The following RBMS3 variants were observed in gnomAD, a reference collection of about 807,000 sequenced individuals.
The protein encoded by RBMS3 is RNA-binding motif, single-stranded-interacting protein 3.
A neutral mutation model predicts 66.8 loss-of-function variants in RBMS3; 27 were observed. The observed-to-expected ratio is 0.40, with a 90% CI of 0.30 to 0.56. The LOEUF (loss-of-function observed/expected upper bound fraction) is 0.56, where lower values mean the gene tolerates loss of function less well. RBMS3 is among the 20% of genes least tolerant of loss of function. The pLI is 0.40. For synonymous variants in RBMS3, 188 were observed against 183.0 expected (o/e 1.03, Z -0.22); for missense variants, 513 against 549.5 (o/e 0.93, Z 0.66).
chr3:29,308,112 T>A (rs2034127198), intron 1 of RBMS3, among the ~76,000 whole-genome samples: 1 of 151,936 alleles, frequency 6.6e-6, no homozygotes, highest in South Asian at 2.1e-4. Flanking sequence ...TTAAGTAGTA[T>A]AAATTTCTGT....
At chr3:29,390,953 G>C (rs2039264914) in intron 1 of RBMS3, 1 of 225,042 alleles carries the variant, frequency 4.4e-6, no homozygotes, top group Non-Finnish European at 1.0e-5. Flanking sequence ...TGGGGAATTT[G>C]TAAAGTAGTC....
At chr3:29,976,030 G>T (rs572007102) in intron 12 of RBMS3, among the ~76,000 whole-genome samples, 2 of 151,770 alleles carry the variant, frequency 1.3e-5, no homozygotes, top group East Asian at 3.9e-4. Flanking sequence ...TAATATAGAA[G>T]TTTTCATTGC....
chr3:29,596,324 C>T lies in RBMS3; in HGVS notation c.399+9119C>T, dbSNP rs9847057. Reference sequence around the variant, plus strand: ...GAAAACTACAGACTACCGAGGTTCACGGTCCACCTTCTGTTTCTGTGTAAT... The same window carrying T: ...GAAAACTACAGACTACCGAGGTTCATGGTCCACCTTCTGTTTCTGTGTAAT... On this transcript the variant is annotated intron_variant, in intron 4 of 14. Coordinates refer to ENST00000383767, the MANE Select transcript of RBMS3 (RefSeq NM_001003793.3). Among the ~76,000 whole-genome samples, 728 of 152,280 alleles carry T rather than the reference C, an allele frequency of 4.8e-3. 2 individuals are homozygous for T. The highest frequency in any genetic ancestry group is 0.016 in the African/African-American group (679 of 41,548).
At chr3:29,852,042 A>G (rs1019395305) in intron 6 of RBMS3, among the ~76,000 whole-genome samples, 3 of 152,162 alleles carry the variant, frequency 2.0e-5, no homozygotes, top group African/African-American at 7.2e-5. Flanking sequence ...CAACTATCTA[A>G]TCTTCAACAA....
At chr3:29,722,520 A>G (rs1388954546) in intron 4 of RBMS3, among the ~76,000 whole-genome samples, 1 of 152,178 alleles carries the variant, frequency 6.6e-6, no homozygotes, top group Non-Finnish European at 1.5e-5. Context: ...ATTTTGCATT[A>G]TTCCATAAAT....
At chr3:29,722,123 A>T (rs929048841) in intron 4 of RBMS3, among the ~76,000 whole-genome samples, 1 of 152,202 alleles carries the variant, frequency 6.6e-6, no homozygotes, top group East Asian at 1.9e-4. Flanking sequence ...AAGGTAAAGC[A>T]CTTATGAGGA....
chr3:29,334,053 G>A (rs530342797), intron 1 of RBMS3, among the ~76,000 whole-genome samples: 2 of 152,012 alleles, frequency 1.3e-5, no homozygotes, highest in South Asian at 2.1e-4. Context: ...TCTGTACAGC[G>A]GGACTATACT....
intron 8 of RBMS3, among the ~76,000 whole-genome samples, chr3:29,889,139 G>A (rs139242497): frequency 3.3e-5 from 5 of 151,610 alleles, no homozygotes; most frequent in Non-Finnish European, 7.4e-5. Flanking sequence ...GAACTGGACC[G>A]TCTGTGATTC....
intron 4 of RBMS3, among the ~76,000 whole-genome samples, chr3:29,613,359 T>A (rs1361845388): frequency 3.3e-5 from 5 of 152,080 alleles, no homozygotes; most frequent in Non-Finnish European, 5.9e-5. Flanking sequence ...TTATCGCTCA[T>A]CTTTTTGATG....
At chr3:29,366,554 AT>A (rs10541842) in intron 1 of RBMS3, among the ~76,000 whole-genome samples, 15 of 150,724 alleles carry the variant, frequency 1.0e-4, no homozygotes, top group African/African-American at 2.4e-4. Context: ...CTAATTTTTA[AT>A]TTTTTTTTTT....
At chr3:29,438,989 G>A (rs2041506955) in intron 2 of RBMS3, among the ~76,000 whole-genome samples, 1 of 152,152 alleles carries the variant, frequency 6.6e-6, no homozygotes, top group Non-Finnish European at 1.5e-5. Flanking sequence ...AGTGACAATT[G>A]AGCTAAGATT....
At chr3:29,420,033 G>T (rs1421213785) in intron 1 of RBMS3, among the ~76,000 whole-genome samples, 1 of 152,088 alleles carries the variant, frequency 6.6e-6, no homozygotes, top group Non-Finnish European at 1.5e-5. Context: ...TGGCATTAAT[G>T]GTCTGCCCTC....
At chr3:29,676,428 T>C (rs937787087) in intron 4 of RBMS3, among the ~76,000 whole-genome samples, 1 of 152,076 alleles carries the variant, frequency 6.6e-6, no homozygotes, top group Non-Finnish European at 1.5e-5. Flanking sequence ...GTATAATAAA[T>C]AAATTTTTAA....
intron 1 of RBMS3, among the ~76,000 whole-genome samples, chr3:29,291,595 A>C (rs1195899348): frequency 1.3e-5 from 2 of 151,838 alleles, no homozygotes; most frequent in Non-Finnish European, 2.9e-5. Flanking sequence ...GAGGCAAATC[A>C]ATGGCACAAT....
At chr3:29,609,169 T>C (rs768590539) in intron 4 of RBMS3, among the ~76,000 whole-genome samples, 3 of 151,902 alleles carry the variant, frequency 2.0e-5, no homozygotes, top group Non-Finnish European at 4.4e-5. Context: ...AATATAAAAG[T>C]TTCTAAATGC....
intron 1 of RBMS3, among the ~76,000 whole-genome samples, chr3:29,316,614 G>T (rs541841039): frequency 6.6e-6 from 1 of 151,362 alleles, no homozygotes; most frequent in African/African-American, 2.4e-5. Flanking sequence ...GAGTTTAGGT[G>T]GGTCTGTCCT....
intron 4 of RBMS3, among the ~76,000 whole-genome samples, chr3:29,604,007 C>G (rs899461345): frequency 6.6e-6 from 1 of 151,882 alleles, no homozygotes; most frequent in South Asian, 2.1e-4. Context: ...GGCATCTGTT[C>G]GGTGGGTAGA....
At chr3:29,652,463 C>T (rs1347074525) in intron 4 of RBMS3, among the ~76,000 whole-genome samples, 1 of 152,076 alleles carries the variant, frequency 6.6e-6, no homozygotes, top group Non-Finnish European at 1.5e-5. Flanking sequence ...TCCATGCCTA[C>T]ATTTACCCAT....
At chr3:29,501,671 A>G (rs1167283157) in intron 3 of RBMS3, among the ~76,000 whole-genome samples, 2 of 152,114 alleles carry the variant, frequency 1.3e-5, no homozygotes, top group Non-Finnish European at 2.9e-5. Flanking sequence ...ATGGAAGGTA[A>G]ACTCTTCAAC....
Sources: allele counts gnomAD v4.1 joint callset (sites outside exome capture counted in the v4.1 genomes callset), GRCh38; gene constraint gnomAD v4.1.1; transcripts MANE v1.5; gene names NCBI Gene and HGNC (gene_info 2026-07-23, HGNC 2026-07-21).